The following COL28A1 variants were observed in gnomAD, a reference collection of about 807,000 sequenced individuals.
COL28A1 encodes collagen alpha-1(XXVIII) chain.
Under a neutral mutation model 150.2 loss-of-function variants are expected in COL28A1, and 161 were observed. The ratio of observed to expected loss-of-function variants is 1.07; its 90% CI spans 0.94 to 1.22. The LOEUF (loss-of-function observed/expected upper bound fraction) is 1.22. Ranked by LOEUF, COL28A1 falls within the 50% of genes most tolerant of loss-of-function variation. The pLI is 0.00. For missense variants in COL28A1, 1,617 were observed against 1,388.3 expected, an observed-to-expected ratio of 1.16 and a Z score of -2.62; for synonymous variants, 552 against 469.7, an observed-to-expected ratio of 1.18 and a Z score of -2.26.
At chr7:7,386,098 C>T (rs1384374399) in intron 27 of COL28A1, among the ~76,000 whole-genome samples, 5 of 152,158 alleles carry the variant, frequency 3.3e-5, no homozygotes, top group African/African-American at 4.8e-5. Flanking sequence ...CACTATATCA[C>T]CACATTAGAT....
intron 27 of COL28A1, among the ~76,000 whole-genome samples, chr7:7,417,141 G>A: frequency 6.6e-6 from 1 of 152,002 alleles, no homozygotes; most frequent in Non-Finnish European, 1.5e-5. Flanking sequence ...GAATTACATA[G>A]TAATGTTTAG....
rs530739604 is a variant in COL28A1 at position 7,457,703 on chromosome 7, A to T, written c.1303-1591T>A. Among the ~76,000 whole-genome samples the T allele has an allele frequency of 4.6e-4, 70 of 152,312 alleles. 1 individual carries two copies. The highest frequency in any genetic ancestry group is 1.4e-3 in the African/African-American group (60 of 41,566). On this transcript the variant is annotated intron_variant, in intron 15 of 34. Coordinates refer to ENST00000399429, the MANE Select transcript of COL28A1 (RefSeq NM_001037763.3). ...ATCATTAGAGGTCAGAGAGATGAAG[A>T]AGTCACAGCAGTGGAGACTGAGAAG...
At chr7:7,456,235 G>A (rs1787159844) in intron 15 of COL28A1, 123 bp from the exon 16 acceptor site, 2 of 1,271,530 alleles carry the variant, frequency 1.6e-6, no homozygotes, top group Non-Finnish European at 2.1e-6. Flanking sequence ...ATTCAACATG[G>A]AAAATTATAA....
intron 27 of COL28A1, among the ~76,000 whole-genome samples, chr7:7,411,310 A>G (rs907828827): frequency 6.6e-6 from 1 of 152,170 alleles, no homozygotes; most frequent in African/African-American, 2.4e-5. Context: ...ATTATGCCCC[A>G]AATTCCTGAA....
chr7:7,446,245 G>C (rs1160830061), intron 18 of COL28A1, among the ~76,000 whole-genome samples: 3 of 151,808 alleles, frequency 2.0e-5, no homozygotes, highest in South Asian at 4.2e-4. Context: ...TTTTTTAAAA[G>C]ATATCAATAA....
At position 7,531,918 on chromosome 7, in the gene COL28A1, A is replaced by C. The variant is rs1004335819; in HGVS notation, c.125-14T>G. ...AACAAATGGAGCCTGAAACAGAATAAACAGGTTAGGCAAAATAATTATTCC... is the reference window on the plus strand; with the variant it reads ...AACAAATGGAGCCTGAAACAGAATACACAGGTTAGGCAAAATAATTATTCC... On this transcript the variant is annotated splice_polypyrimidine_tract_variant and intron_variant, in intron 2 of 34. Coordinates refer to ENST00000399429, the MANE Select transcript of COL28A1 (RefSeq NM_001037763.3). 6.5e-7 allele frequency: 1 copy of C among 1,537,260 alleles called. No homozygotes were observed. Among genetic ancestry groups the C allele is most frequent in the Non-Finnish European group, 9.0e-7 (1 of 1,116,946 alleles).
At chr7:7,381,664 G>C (rs1457872903) in intron 27 of COL28A1, 52 bp from the exon 28 acceptor site, 3 of 1,424,410 alleles carry the variant, frequency 2.1e-6, no homozygotes, top group Admixed American at 1.7e-5. Context: ...GGATAGCTTG[G>C]CTATTCTTTG....
rs1182312543 is a variant in COL28A1 at position 7,374,060 on chromosome 7, T to TATATAC, written c.2360-515_2360-514insGTATAT. On this transcript the variant is annotated intron_variant, in intron 31 of 34. Transcript: ENST00000399429. ...AAAAATATATATATATATATATATATACTTGGAAAAACACCGTAGTTGATA... is the reference window on the plus strand; with the variant it reads ...AAAAATATATATATATATATATATATATATACACTTGGAAAAACACCGTAGTTGATA... Among the ~76,000 whole-genome samples the TATATAC allele has an allele frequency of 2.1e-3, 300 of 142,888 alleles. 1 individual carries two copies. The highest frequency in any genetic ancestry group is 3.5e-3 in the African/African-American group (132 of 38,030). The allele number at this position is 142,888 out of a possible 152,430, so 93.7% of individuals were successfully genotyped here.
At chr7:7,395,569 C>T (rs1782789686) in intron 27 of COL28A1, among the ~76,000 whole-genome samples, 1 of 152,144 alleles carries the variant, frequency 6.6e-6, no homozygotes, top group African/African-American at 2.4e-5. Context: ...TCAGAGAGAC[C>T]TGGTTACACA....
intron 5 of COL28A1, among the ~76,000 whole-genome samples, chr7:7,521,666 G>C (rs551107920): frequency 7.9e-5 from 12 of 152,200 alleles, no homozygotes; most frequent in Non-Finnish European, 1.6e-4. Flanking sequence ...AATGTCCTTT[G>C]TGGGAACAAC....
At chr7:7,384,360 T>C (rs907036984) in intron 27 of COL28A1, among the ~76,000 whole-genome samples, 3 of 152,186 alleles carry the variant, frequency 2.0e-5, no homozygotes, top group Non-Finnish European at 2.9e-5. Flanking sequence ...GTCTTCTTTA[T>C]TCAGTTTAAA....
In COL28A1 at chr7:7,531,562, A is replaced by G. The variant is rs1782356101; in HGVS notation, c.467T>C (p.Val156Ala). The G allele has an allele frequency of 6.2e-7, 1 of 1,608,154 alleles. No individual in the cohort carries two copies. The highest frequency in any genetic ancestry group is 8.5e-7 in the Non-Finnish European group (1 of 1,174,768). Residue 156 changes from valine to alanine, a missense_variant, in exon 3 of 35, where the codon GTT becomes GCT. Coordinates refer to ENST00000399429, the MANE Select transcript of COL28A1 (RefSeq NM_001037763.3). ...REGRKDGVKV[V>A]LLMTDGIDHP... Reference sequence around the variant, plus strand: ...GTCGATGCCATCAGTCATCAGCAAAACCACTTTCACACCATCCTTACGCCC... The same window carrying G: ...GTCGATGCCATCAGTCATCAGCAAAGCCACTTTCACACCATCCTTACGCCC...
chr7:7,429,779 G>A (rs1317703244), intron 25 of COL28A1, among the ~76,000 whole-genome samples: 5 of 152,262 alleles, frequency 3.3e-5, no homozygotes, highest in East Asian at 1.9e-4. Flanking sequence ...AGAGGGAGGC[G>A]TGCAGACAGG....
chr7:7,428,673 G>C (rs1292652346), intron 25 of COL28A1, among the ~76,000 whole-genome samples: 1 of 152,222 alleles, frequency 6.6e-6, no homozygotes, highest in Non-Finnish European at 1.5e-5. Context: ...CCATCAACGA[G>C]CCAGGAGATT....
chr7:7,503,621 G>A (rs926974455), intron 11 of COL28A1, among the ~76,000 whole-genome samples: 2 of 152,094 alleles, frequency 1.3e-5, no homozygotes, highest in Admixed American at 6.5e-5. Flanking sequence ...ATTCTGGGAG[G>A]CAAGATGAAA....
chr7:7,429,038 T>C (rs1445900817), intron 25 of COL28A1, among the ~76,000 whole-genome samples: 1 of 149,928 alleles, frequency 6.7e-6, no homozygotes, highest in Non-Finnish European at 1.5e-5. Flanking sequence ...GCTAAACACA[T>C]GTGACCTTAA....
At chr7:7,479,965 C>T (rs918922843) in intron 13 of COL28A1, among the ~76,000 whole-genome samples, 8 of 152,120 alleles carry the variant, frequency 5.3e-5, no homozygotes, top group Admixed American at 5.2e-4. Context: ...TCTGATGAAT[C>T]TAAACAAATA....
chr7:7,478,967 C>T (rs1057300938), intron 13 of COL28A1, among the ~76,000 whole-genome samples: 1 of 152,230 alleles, frequency 6.6e-6, no homozygotes, highest in Admixed American at 6.5e-5. Flanking sequence ...CAGCCCTCGG[C>T]CATCCCAGGA....
In COL28A1 at chr7:7,362,475, C is replaced by G. The variant is rs148491903; in HGVS notation, c.3067-1947G>C. Among the ~76,000 whole-genome samples the G allele has an allele frequency of 5.3e-3, 813 of 152,252 alleles. 9 individuals carry two copies. The highest frequency in any genetic ancestry group is 0.019 in the African/African-American group (782 of 41,538). Reference sequence around the variant, plus strand: ...CATTAACTGCCGTCTGCCAGCTAAGCTGTTCTATTGCTTTTGATTTTTTTT... The same window carrying G: ...CATTAACTGCCGTCTGCCAGCTAAGGTGTTCTATTGCTTTTGATTTTTTTT... On this transcript the variant is annotated intron_variant, in intron 33 of 34. Coordinates refer to ENST00000399429, the MANE Select transcript of COL28A1 (RefSeq NM_001037763.3).
Sources: gnomAD v4.1 joint callset for allele counts (sites outside exome capture counted in the v4.1 genomes callset) on GRCh38, gnomAD v4.1.1 for gene constraint, MANE v1.5 for transcripts, NCBI Gene and HGNC (gene_info 2026-07-23, HGNC 2026-07-21) for gene names.